The following SPTBN5 variants were observed in gnomAD, a reference collection of about 807,000 sequenced individuals.
SPTBN5 encodes spectrin beta chain, non-erythrocytic 5.
In SPTBN5, 513 loss-of-function variants were observed where a neutral mutation model predicts 477.6. That is an observed-to-expected ratio of 1.07 (90% CI 1.00 to 1.16). The LOEUF (loss-of-function observed/expected upper bound fraction) is 1.16, where lower values mean the gene tolerates loss of function less well. Ranked by LOEUF, SPTBN5 falls within the 50% of genes most tolerant of loss-of-function variation. The pLI is 0.00. For missense variants in SPTBN5, 5,062 were observed against 4,731.8 expected (o/e 1.07, Z -2.05); for synonymous variants, 2,169 against 2,011.7 (o/e 1.08, Z -2.09).
Position 41,854,106 on chromosome 15 carries a change from C to T in SPTBN5, c.9718G>A (p.Gly3240Arg), listed in dbSNP as rs748281244. The T allele has an allele frequency of 4.5e-5, 72 of 1,585,076 alleles. No homozygotes were observed. The highest frequency in any genetic ancestry group is 6.9e-5 in the East Asian group (3 of 43,368). Reference protein sequence around the residue: ...EKTALMKGEDGGHSLSSVRTL... With the variant: ...EKTALMKGEDRGHSLSSVRTL... ...CGCACAGATGACAGGCTGTGGCCTC[C>T]GTCCTCCCCCTTCATCAGGGCCGTC... is the stretch of plus-strand genomic sequence containing the variant. The change falls in exon 57 of 68, where the codon GGA becomes AGA. Residue 3240 changes from glycine (G) to arginine (R), a missense_variant. Coordinates refer to ENST00000320955, the MANE Select transcript of SPTBN5 (RefSeq NM_016642.4).
Position 41,874,376 on chromosome 15 carries a change from C to A in SPTBN5, c.4605G>T (p.Trp1535Cys). The change falls in exon 24 of 68, where the codon TGG (tryptophan) becomes TGT (cysteine). Residue 1535 changes from tryptophan (W) to cysteine (C), a missense_variant. Transcript: ENST00000320955. Reference protein sequence around the residue: ...FCHLSNMELSWVAEHMPHGSP... With the variant: ...FCHLSNMELSCVAEHMPHGSP... ...TGCCATGGGGCATGTGCTCGGCTAC[C>A]CAAGAGAGCTCCATGTTGCTCAGGT... 1.9e-6 allele frequency: 3 copies of A among 1,613,806 alleles called. No individual in the cohort carries two copies. Among genetic ancestry groups the A allele is most frequent in the Non-Finnish European group, 8.5e-7 (1 of 1,179,862 alleles).
In SPTBN5 at chr15:41,877,388, C is replaced by G. The variant is rs762875767; in HGVS notation, c.3471-32G>C. The G allele has an allele frequency of 2.3e-5, 37 of 1,591,346 alleles. No individual in the cohort carries two copies. The Admixed American group carries it at 5.9e-4, about 25-fold the overall frequency. On this transcript the variant is annotated intron_variant, in intron 17 of 67. Transcript: ENST00000320955. ...AGGATGACAGGCAGAGAGTCAAACC[C>G]CAGCAGGCTCCCTCGTCAGCCTCCT...
At chr15:41,879,657 G>T in intron 15 of SPTBN5, 77 bp downstream of exon 15, 1 of 1,570,100 alleles carries the variant, frequency 6.4e-7, no homozygotes, top group Non-Finnish European at 8.6e-7. Flanking sequence ...CTGGCATGGC[G>T]GGAGGCAGGT....
intron 13 of SPTBN5, 91 bp from the exon 14 acceptor site, chr15:41,880,403 G>A (rs2066910074): frequency 7.2e-7 from 1 of 1,380,466 alleles, no homozygotes; most frequent in Non-Finnish European, 9.7e-7. Context: ...CCCCATCCCA[G>A]CCCACCAGCA....
At chr15:41,863,311 ACT>A (rs1196827099) in intron 41 of SPTBN5, among the ~76,000 whole-genome samples, 1 of 152,170 alleles carries the variant, frequency 6.6e-6, no homozygotes, top group Non-Finnish European at 1.5e-5. Context: ...CCGGGTTCTA[ACT>A]CTGCCAGATT....
At chr15:41,859,031 G>T (rs779567846) in intron 47 of SPTBN5, 51 bp from the exon 48 acceptor site, 20 of 1,416,774 alleles carry the variant, frequency 1.4e-5, no homozygotes, top group African/African-American at 2.9e-5. Context: ...GGGCCAGGTG[G>T]GGTGCCCGTC....
chr15:41,889,583 A>G (rs1359034696), intron 4 of SPTBN5, among the ~76,000 whole-genome samples: 1 of 152,008 alleles, frequency 6.6e-6, no homozygotes, highest in Non-Finnish European at 1.5e-5. Flanking sequence ...AAGAGTTTAT[A>G]GTCTTTCTGA....
chr15:41,880,316 G>T lies in SPTBN5; in HGVS notation c.2659-4C>A. 2 of 1,596,602 alleles carry T rather than the reference G, an allele frequency of 1.3e-6. No homozygotes were observed. The highest frequency in any genetic ancestry group is 1.7e-6 in the Non-Finnish European group (2 of 1,172,810). On this transcript the variant is annotated splice_polypyrimidine_tract_variant and splice_region_variant and intron_variant, in intron 13 of 67. Coordinates refer to ENST00000320955, the MANE Select transcript of SPTBN5 (RefSeq NM_016642.4). The stretch of plus-strand genomic sequence containing the variant: ...CCTCCAACCGGGCCCTGCGGAGCTG[G>T]GGAGAGGTGGCCCAAGGCTGGGGTG...
At chr15:41,865,740 T>TC in intron 39 of SPTBN5, 68 bp downstream of exon 39, 2 of 1,405,038 alleles carry the variant, frequency 1.4e-6, no homozygotes, top group Non-Finnish European at 2.0e-6. Context: ...CCACACTCTT[T>TC]CCCTGCTCTC....
rs1223085714 is a variant in SPTBN5, at chr15:41,871,359, C to T, written c.5447+16G>A. On this transcript the variant is annotated intron_variant, in intron 29 of 67. Coordinates refer to ENST00000320955, the MANE Select transcript of SPTBN5 (RefSeq NM_016642.4). Reference sequence around the variant, plus strand: ...TCCCCCAAACCCCATGCTGGCCTGGCCCGTTGGGCACTCACTGCAGATCCT... The same window carrying T: ...TCCCCCAAACCCCATGCTGGCCTGGTCCGTTGGGCACTCACTGCAGATCCT... 1.1e-5 allele frequency: 16 copies of T among 1,406,764 alleles called. No individual in the cohort carries two copies. The highest frequency in any genetic ancestry group is 3.0e-5 in the African/African-American group (2 of 66,592). 87.1% of individuals were successfully genotyped at this position (1,406,764 alleles called of 1,614,324 possible).
At chr15:41,893,691 C>A in intron 1 of SPTBN5, 145 bp from the exon 2 acceptor site, 1 of 1,053,764 alleles carries the variant, frequency 9.5e-7, no homozygotes, top group East Asian at 2.6e-5. Flanking sequence ...TGCTTCTGGT[C>A]CCCTGTGCTT....
chr15:41,887,554 C>T (rs1317859468), intron 5 of SPTBN5, 113 bp from the exon 6 acceptor site: 17 of 860,534 alleles, frequency 2.0e-5, no homozygotes, highest in Admixed American at 2.0e-4. Flanking sequence ...CTTGTGAATT[C>T]GTTTTCCCGA....
intron 47 of SPTBN5, among the ~76,000 whole-genome samples, chr15:41,860,074 G>C (rs1172826355): frequency 6.6e-6 from 1 of 152,246 alleles, no homozygotes; most frequent in Non-Finnish European, 1.5e-5. Flanking sequence ...ACATGCATCT[G>C]TGTCTGAACT....
chr15:41,879,230 C>T, intron 16 of SPTBN5, 30 bp downstream of exon 16: 2 of 1,586,912 alleles, frequency 1.3e-6, no homozygotes, highest in African/African-American at 2.7e-5. Context: ...TCCTCACTGC[C>T]TCCCAATGCC....
intron 50 of SPTBN5, 32 bp from the exon 51 acceptor site, chr15:41,857,526 A>G (rs1044091974): frequency 6.2e-7 from 1 of 1,601,794 alleles, no homozygotes; most frequent in Non-Finnish European, 8.5e-7. Context: ...GCAGGAGGGG[A>G]GTGTCCTGGA....
chr15:41,854,321 G>C, intron 56 of SPTBN5, 116 bp from the exon 57 acceptor site: 1 of 1,159,982 alleles, frequency 8.6e-7, no homozygotes, highest in Non-Finnish European at 1.2e-6. Context: ...CATGGGGCTT[G>C]ATGTGTCCCC....
At chr15:41,892,729 A>C (rs1390274983) in intron 3 of SPTBN5, 165 bp downstream of exon 3, 1 of 719,250 alleles carries the variant, frequency 1.4e-6, no homozygotes, top group African/African-American at 1.8e-5. Context: ...CTGTGCGAGG[A>C]GGGCGTGGCT....
At position 41,851,094 on chromosome 15, in the gene SPTBN5, C is replaced by A; in HGVS notation, c.10800G>T (p.Arg3600=). The change falls in exon 65 of 68, where the codon CGG becomes CGT. Residue 3600 remains arginine, a synonymous_variant. Coordinates refer to ENST00000320955, the MANE Select transcript of SPTBN5 (RefSeq NM_016642.4). Reference sequence around the variant, plus strand: ...ATGTGTGTTTCCTGCCGTGGCGGCCCCGCAGCCTCTCACACCGGGCTCCCG... The same window carrying A: ...ATGTGTGTTTCCTGCCGTGGCGGCCACGCAGCCTCTCACACCGGGCTCCCG... ...DLTGARCERL[R]GRHGRKHTFS... 1 of 1,613,118 alleles carries A rather than the reference C, an allele frequency of 6.2e-7. No individual in the cohort carries two copies. The highest frequency in any genetic ancestry group is 8.5e-7 in the Non-Finnish European group (1 of 1,179,802).
chr15:41,870,299 C>T lies in SPTBN5; in HGVS notation c.5617G>A (p.Ala1873Thr). 2 of 1,558,944 alleles carry T rather than the reference C, an allele frequency of 1.3e-6. No homozygotes were observed. The highest frequency in any genetic ancestry group is 2.7e-5 in the African/African-American group (2 of 73,610). ...AGCCCCTGGTGGCTTCTCAGCTGCG[C>T]CTCCAGCCCACACAGGTCCCGTGCC... ...NVARDLCGLE[A>T]QLRSHQGLER... is the part of the protein sequence containing the mutation. Residue 1873 changes from alanine to threonine, a missense_variant, in exon 31 of 68, where the codon GCG (alanine) becomes ACG (threonine). Ala to Thr is a moderately conservative substitution (Grantham distance 58). Coordinates refer to ENST00000320955, the MANE Select transcript of SPTBN5 (RefSeq NM_016642.4).
Sources: gnomAD v4.1 joint callset for allele counts (sites outside exome capture counted in the v4.1 genomes callset) on GRCh38, gnomAD v4.1.1 for gene constraint, MANE v1.5 for transcripts, NCBI Gene and HGNC (gene_info 2026-07-23, HGNC 2026-07-21) for gene names.